RNGTT: variants seen among roughly 807,000 people sequenced by gnomAD.
The protein encoded by RNGTT is RNA guanylyltransferase and 5'-phosphatase, also known as mRNA-capping enzyme.
RNGTT carries 33 observed loss-of-function variants against 79.3 expected under a neutral mutation model. That is an observed-to-expected ratio of 0.42 (90% CI 0.32 to 0.56). The LOEUF is 0.56. RNGTT is among the 20% of genes least tolerant of loss of function. RNGTT has a pLI of 0.17. For missense variants in RNGTT, 497 were observed against 739.1 expected, an observed-to-expected ratio of 0.67 and a Z score of 3.80; for synonymous variants, 222 against 235.9, an observed-to-expected ratio of 0.94 and a Z score of 0.54.
At chr6:88,712,662 G>A (rs1230960425) in intron 13 of RNGTT, among the ~76,000 whole-genome samples, 1 of 152,130 alleles carries the variant, frequency 6.6e-6, no homozygotes, top group Non-Finnish European at 1.5e-5. Flanking sequence ...CTGAGCTATG[G>A]TCTCTAATTT....
At chr6:88,956,573 G>T (rs1284740302) in intron 1 of RNGTT, among the ~76,000 whole-genome samples, 2 of 151,960 alleles carry the variant, frequency 1.3e-5, no homozygotes, top group African/African-American at 2.4e-5. Context: ...CCAAAACCAG[G>T]AAACAATATA....
At chr6:88,708,223 C>G (rs545926757) in intron 13 of RNGTT, among the ~76,000 whole-genome samples, 1 of 152,056 alleles carries the variant, frequency 6.6e-6, no homozygotes, top group Non-Finnish European at 1.5e-5. Context: ...CTTTTCCAAT[C>G]TTCAAGGGCT....
chr6:88,934,574 T>G (rs1356197896), intron 2 of RNGTT, among the ~76,000 whole-genome samples: 1 of 152,206 alleles, frequency 6.6e-6, no homozygotes, highest in African/African-American at 2.4e-5. Flanking sequence ...GAAGAATAGT[T>G]TGCAAATATA....
intron 13 of RNGTT, among the ~76,000 whole-genome samples, chr6:88,763,477 GCAC>G (rs1036989539): frequency 2.6e-5 from 4 of 152,120 alleles, no homozygotes. Flanking sequence ...CACACTGGCT[GCAC>G]CAACTTACAA....
At chr6:88,725,316 T>C (rs924269635) in intron 13 of RNGTT, among the ~76,000 whole-genome samples, 2 of 152,114 alleles carry the variant, frequency 1.3e-5, no homozygotes, top group Admixed American at 6.5e-5. Context: ...GATCCTCATA[T>C]ACTGCCATGA....
intron 14 of RNGTT, among the ~76,000 whole-genome samples, chr6:88,617,806 C>G (rs9451031): frequency 0.03 from 4,569 of 151,774 alleles, 232 homozygotes; most frequent in African/African-American, 0.1. Context: ...CCACAAGCAC[C>G]AATGTCTTTC....
At chr6:88,954,277 A>T (rs928075226) in intron 1 of RNGTT, among the ~76,000 whole-genome samples, 5 of 152,216 alleles carry the variant, frequency 3.3e-5, no homozygotes, top group Admixed American at 6.5e-5. Flanking sequence ...AACTTAAGGT[A>T]AAGGGGTAGA....
At chr6:88,751,466 T>C (rs1777836555) in intron 13 of RNGTT, among the ~76,000 whole-genome samples, 1 of 152,152 alleles carries the variant, frequency 6.6e-6, no homozygotes, top group Admixed American at 6.6e-5. Context: ...TATAGTAATT[T>C]AGAGTATCAA....
rs1171117824 is a variant in RNGTT at position 88,904,945 on chromosome 6, C to T, written c.454G>A (p.Ala152Thr). ...VEKMDWSIEA[A>T]VATFAQARPP... ...CTGGCTTGGGCAAAAGTAGCAACTG[C>T]TGCTTCGATACTATAGGAAACAAAC... The change falls in exon 6 of 16, where the codon GCA (alanine) becomes ACA (threonine). Residue 152 changes from alanine to threonine, a missense_variant. By Grantham distance (58) the Ala-to-Thr change is moderately conservative. Coordinates refer to ENST00000369485, the MANE Select transcript of RNGTT (RefSeq NM_003800.5). 1.9e-6 allele frequency: 3 copies of T among 1,614,064 alleles called. No homozygotes were observed. Among genetic ancestry groups the T allele is most frequent in the Non-Finnish European group, 2.5e-6 (3 of 1,179,970 alleles).
intron 13 of RNGTT, among the ~76,000 whole-genome samples, chr6:88,681,805 C>A (rs1177723509): frequency 1.3e-5 from 2 of 152,090 alleles, no homozygotes; most frequent in Non-Finnish European, 2.9e-5. Context: ...TTACCATAAC[C>A]TTTATACAAA....
At chr6:88,722,440 A>G (rs1193603002) in intron 13 of RNGTT, among the ~76,000 whole-genome samples, 2 of 152,188 alleles carry the variant, frequency 1.3e-5, no homozygotes, top group African/African-American at 2.4e-5. Flanking sequence ...GCACACTGTC[A>G]CCCTAAAATC....
chr6:88,764,426 A>G (rs1214847558), intron 13 of RNGTT, among the ~76,000 whole-genome samples: 1 of 152,212 alleles, frequency 6.6e-6, no homozygotes, highest in Non-Finnish European at 1.5e-5. Context: ...GACTAGACCA[A>G]TTTCTAAAAG....
intron 14 of RNGTT, among the ~76,000 whole-genome samples, chr6:88,664,736 G>A (rs911244525): frequency 9.8e-5 from 15 of 152,298 alleles, no homozygotes; most frequent in Admixed American, 8.5e-4. Flanking sequence ...AGACAAGGAC[G>A]AAGGAGCCTT....
intron 13 of RNGTT, among the ~76,000 whole-genome samples, chr6:88,690,692 A>T (rs567230934): frequency 6.6e-6 from 1 of 152,298 alleles, no homozygotes; most frequent in Admixed American, 6.5e-5. Flanking sequence ...CCTCGGTGAC[A>T]GAGTGAGACA....
intron 14 of RNGTT, among the ~76,000 whole-genome samples, chr6:88,635,205 T>A (rs1477002570): frequency 6.6e-6 from 1 of 152,128 alleles, no homozygotes; most frequent in Non-Finnish European, 1.5e-5. Context: ...TGCTTATGTA[T>A]GTATGCTTAC....
intron 1 of RNGTT, among the ~76,000 whole-genome samples, chr6:88,957,280 G>A (rs551920724): frequency 6.6e-6 from 1 of 152,280 alleles, no homozygotes; most frequent in South Asian, 2.1e-4. Flanking sequence ...ATGGGGAAAG[G>A]TTGAAAGCAT....
intron 14 of RNGTT, among the ~76,000 whole-genome samples, chr6:88,660,580 T>A (rs1454041382): frequency 6.9e-6 from 1 of 145,746 alleles, no homozygotes; most frequent in African/African-American, 2.8e-5. Context: ...AGAGACATTA[T>A]ACAATGATAA....
Position 88,929,251 on chromosome 6 carries a change from A to G in RNGTT, c.191T>C (p.Leu64Ser). ...CCTTGAAGTATTTGTCAGGTCCACC[A>G]ACAAGCCCATTTTAACCTAAAAAAA... The part of the protein sequence containing the change: ...LKSLKVKMGL[L>S]VDLTNTSRFY... The change falls in exon 3 of 16, where the codon TTG (leucine) becomes TCG (serine). Residue 64 changes from leucine (L) to serine (S), a missense_variant. This residue lies in a region of RNGTT where 440 missense variants were observed against 671.5 expected (regional missense o/e 0.66). Coordinates refer to ENST00000369485, the MANE Select transcript of RNGTT (RefSeq NM_003800.5). 1 of 1,602,056 alleles carries G rather than the reference A, an allele frequency of 6.2e-7. No homozygotes were observed. The highest frequency in any genetic ancestry group is 1.9e-4 in the Middle Eastern group (1 of 5,402).
intron 6 of RNGTT, among the ~76,000 whole-genome samples, chr6:88,892,633 T>C (rs1414832390): frequency 2.0e-5 from 3 of 152,040 alleles, no homozygotes; most frequent in Non-Finnish European, 4.4e-5. Flanking sequence ...GGAACCCTTC[T>C]GGAAATTTTT....
Sources: gnomAD v4.1 joint callset for allele counts (sites outside exome capture counted in the v4.1 genomes callset) on GRCh38, gnomAD v4.1.1 for gene constraint, gnomAD v4.1.1 regional missense constraint, MANE v1.5 for transcripts, NCBI Gene and HGNC (gene_info 2026-07-23, HGNC 2026-07-21) for gene names.